The following LTBP1 variants were observed in gnomAD, a reference collection of about 807,000 sequenced individuals.
LTBP1 encodes latent-transforming growth factor beta-binding protein 1.
In LTBP1, 129 loss-of-function variants were observed where a neutral mutation model predicts 207.6. The observed-to-expected ratio is 0.62, with a 90% confidence interval of 0.54 to 0.72. LTBP1 has a LOEUF of 0.72. Ranked by LOEUF, LTBP1 falls within the 30% of genes least tolerant of loss-of-function variation. The pLI is 0.00. For missense variants in LTBP1, 2,281 were observed against 2,217.2 expected (o/e 1.03, Z -0.58); for synonymous variants, 963 against 833.7 (o/e 1.16, Z -2.67).
At chr2:33,304,986 G>A (rs1046259868) in intron 22 of LTBP1, among the ~76,000 whole-genome samples, 3 of 152,134 alleles carry the variant, frequency 2.0e-5, no homozygotes, top group African/African-American at 4.8e-5. Flanking sequence ...CTTCCCTTTT[G>A]TAGCTTACAT....
chr2:33,007,659 A>G (rs1264402737), intron 2 of LTBP1, among the ~76,000 whole-genome samples: 3 of 152,224 alleles, frequency 2.0e-5, no homozygotes, highest in African/African-American at 4.8e-5. Context: ...TAGAATTCCA[A>G]TAGTAGAAAG....
chr2:33,164,909 A>C lies in LTBP1; in HGVS notation c.1202-21947A>C, dbSNP rs17012619. 1.7e-3 allele frequency among the ~76,000 whole-genome samples: 261 copies of C among 152,358 alleles called. 2 individuals are homozygous for C. Among genetic ancestry groups the C allele is most frequent in the African/African-American group, 6.0e-3 (251 of 41,590 alleles). Reference sequence around the variant, plus strand: ...GTGTACTGAGAAGCAGGTCCACCTGAACCTTCAGGGAGCAGTCAAAAGGAA... The same window carrying C: ...GTGTACTGAGAAGCAGGTCCACCTGCACCTTCAGGGAGCAGTCAAAAGGAA... On this transcript the variant is annotated intron_variant, in intron 5 of 33. Transcript: ENST00000404816.
rs538918724 is a variant in LTBP1, at chr2:33,185,749, A to G, written c.1202-1107A>G. Among the ~76,000 whole-genome samples, 9 of 152,318 alleles carry G rather than the reference A, an allele frequency of 5.9e-5. 1 individual carries two copies. Among genetic ancestry groups the G allele is most frequent in the African/African-American group, 2.2e-4 (9 of 41,586 alleles). ...ACCCTAGCAAGAATAGTTTCTGTGT[A>G]GAGGAGGGGCAGGGAATGGGAAAAC... is the stretch of plus-strand genomic sequence containing the variant. On this transcript the variant is annotated intron_variant, in intron 5 of 33. Coordinates refer to ENST00000404816, the MANE Select transcript of LTBP1 (RefSeq NM_206943.4).
chr2:33,254,952 G>T (rs551879259), intron 11 of LTBP1, among the ~76,000 whole-genome samples: 1 of 127,874 alleles, frequency 7.8e-6, no homozygotes, highest in South Asian at 2.8e-4. Flanking sequence ...TATACTTTAA[G>T]TTTTAGGGTA....
chr2:33,071,200 G>A (rs920841439), intron 3 of LTBP1, among the ~76,000 whole-genome samples: 5 of 152,272 alleles, frequency 3.3e-5, no homozygotes, highest in African/African-American at 2.4e-5. Context: ...GCTTACTCAC[G>A]TGGCTTTGGG....
chr2:33,218,282 C>CTT (rs2090862819), intron 8 of LTBP1, among the ~76,000 whole-genome samples: 2 of 152,162 alleles, frequency 1.3e-5, no homozygotes, highest in African/African-American at 4.8e-5. Context: ...TTGTTCAGAA[C>CTT]ATGTTGATTT....
At chr2:33,308,587 A>G (rs567293223) in intron 22 of LTBP1, among the ~76,000 whole-genome samples, 5 of 152,328 alleles carry the variant, frequency 3.3e-5, no homozygotes, top group South Asian at 2.1e-4. Flanking sequence ...GTCTAAATGC[A>G]TATGACCCCT....
At chr2:33,357,011 G>T (rs2094870732) in intron 26 of LTBP1, among the ~76,000 whole-genome samples, 1 of 152,196 alleles carries the variant, frequency 6.6e-6, no homozygotes, top group African/African-American at 2.4e-5. Context: ...GTACAGAGAA[G>T]ATTAGCTCAT....
intron 31 of LTBP1, among the ~76,000 whole-genome samples, chr2:33,385,130 T>C (rs1420991028): frequency 6.6e-6 from 1 of 152,244 alleles, no homozygotes; most frequent in Non-Finnish European, 1.5e-5. Flanking sequence ...TTGTTCATAC[T>C]TTATCACTGC....
At chr2:32,992,701 T>C (rs1472676526) in intron 2 of LTBP1, among the ~76,000 whole-genome samples, 1 of 152,160 alleles carries the variant, frequency 6.6e-6, no homozygotes, top group Non-Finnish European at 1.5e-5. Flanking sequence ...AAGGGAAGAA[T>C]CCAGCACTCT....
intron 5 of LTBP1, among the ~76,000 whole-genome samples, chr2:33,167,474 T>C (rs1164017553): frequency 6.6e-6 from 1 of 152,226 alleles, no homozygotes; most frequent in Non-Finnish European, 1.5e-5. Flanking sequence ...GTTTCTTTCT[T>C]TCTGGAACTC....
chr2:32,998,512 T>TAAAA (rs769287082), intron 2 of LTBP1, among the ~76,000 whole-genome samples: 4 of 29,236 alleles, frequency 1.4e-4, no homozygotes, highest in African/African-American at 3.4e-4. Context: ...GACTCCATCT[T>TAAAA]AAAAAAAAAA....
chr2:33,072,369 G>C (rs2077834407), intron 3 of LTBP1, among the ~76,000 whole-genome samples: 1 of 152,134 alleles, frequency 6.6e-6, no homozygotes, highest in South Asian at 2.1e-4. Flanking sequence ...TCATTGGATA[G>C]GCATGATTGA....
intron 3 of LTBP1, among the ~76,000 whole-genome samples, chr2:33,025,568 A>C (rs1330858990): frequency 6.6e-6 from 1 of 152,248 alleles, no homozygotes; most frequent in East Asian, 1.9e-4. Flanking sequence ...AGAAAAAGAT[A>C]ACAATGACGA....
chr2:33,099,146 G>C (rs1311479444), intron 3 of LTBP1, among the ~76,000 whole-genome samples: 1 of 152,192 alleles, frequency 6.6e-6, no homozygotes, highest in Non-Finnish European at 1.5e-5. Flanking sequence ...AGGTCCTGTA[G>C]GGCAGTAGAT....
chr2:32,952,417 C>T (rs143411633), intron 2 of LTBP1, among the ~76,000 whole-genome samples: 42 of 152,240 alleles, frequency 2.8e-4, no homozygotes, highest in African/African-American at 9.9e-4. Flanking sequence ...TATGTGGATC[C>T]CTAGGAATCG....
chr2:33,270,928 A>G (rs1573538064), intron 15 of LTBP1, among the ~76,000 whole-genome samples: 1 of 152,298 alleles, frequency 6.6e-6, no homozygotes, highest in Middle Eastern at 3.4e-3. Context: ...TCTATCTAAG[A>G]TATTGGATTG....
At chr2:33,347,319 G>T in intron 25 of LTBP1, 48 bp from the exon 26 acceptor site, 2 of 1,611,604 alleles carry the variant, frequency 1.2e-6, no homozygotes, top group Non-Finnish European at 1.7e-6. Flanking sequence ...ATAGAGAGCT[G>T]TCGTGAATGA....
At chr2:33,190,127 G>A (rs2087690209) in intron 7 of LTBP1, among the ~76,000 whole-genome samples, 1 of 152,162 alleles carries the variant, frequency 6.6e-6, no homozygotes, top group Non-Finnish European at 1.5e-5. Context: ...TGAGAGAAAG[G>A]CAAAATTTTC....
Sources: allele counts gnomAD v4.1 joint callset (sites outside exome capture counted in the v4.1 genomes callset), GRCh38; gene constraint gnomAD v4.1.1; transcripts MANE v1.5; gene names NCBI Gene and HGNC (gene_info 2026-07-23, HGNC 2026-07-21).